The following LRMDA variants were observed in gnomAD, a reference collection of about 807,000 sequenced individuals.
The protein encoded by LRMDA is leucine-rich melanocyte differentiation-associated protein.
A neutral mutation model predicts 29.8 loss-of-function variants in LRMDA; 18 were observed. The observed-to-expected ratio is 0.60, with a 90% confidence interval of 0.42 to 0.90. The LOEUF (loss-of-function observed/expected upper bound fraction) is 0.90. Among genes scored for constraint, LRMDA ranks in the 40% least tolerant of loss-of-function variants. LRMDA has a pLI of 0.00. For synonymous variants in LRMDA, 125 were observed against 109.4 expected, an observed-to-expected ratio of 1.14 and a Z score of -0.89; for missense variants, 273 against 273.9, an observed-to-expected ratio of 1.00 and a Z score of 0.02.
At chr10:75,452,574 A>AATT (rs1844473786) in intron 2 of LRMDA, among the ~76,000 whole-genome samples, 1 of 27,264 alleles carries the variant, frequency 3.7e-5, no homozygotes, top group African/African-American at 1.4e-4. Context: ...TCAGGATATG[A>AATT]CTTTTTTTTT....
chr10:75,601,481 G>T (rs765874859), intron 2 of LRMDA: 1 of 152,164 alleles, frequency 6.6e-6, no homozygotes, highest in Non-Finnish European at 1.5e-5. Flanking sequence ...AGTGTTCTGT[G>T]TGGTTCTAGT....
chr10:75,755,886 T>G (rs1279778399), intron 2 of LRMDA, among the ~76,000 whole-genome samples: 1 of 152,226 alleles, frequency 6.6e-6, no homozygotes, highest in Non-Finnish European at 1.5e-5. Context: ...CCACTTGCTT[T>G]GCAGTGGGAA....
intron 2 of LRMDA, among the ~76,000 whole-genome samples, chr10:75,503,888 G>A (rs954331267): frequency 6.6e-6 from 1 of 152,100 alleles, no homozygotes; most frequent in African/African-American, 2.4e-5. Flanking sequence ...CAACAATCTG[G>A]AAGTGTAAGG....
chr10:75,519,284 A>C (rs1468613487), intron 2 of LRMDA, among the ~76,000 whole-genome samples: 2 of 152,082 alleles, frequency 1.3e-5, no homozygotes, highest in African/African-American at 4.8e-5. Flanking sequence ...CGTTGATCTA[A>C]TATTGACAGT....
At chr10:76,290,400 G>A (rs1463285137) in intron 5 of LRMDA, among the ~76,000 whole-genome samples, 1 of 143,532 alleles carries the variant, frequency 7.0e-6, no homozygotes, top group Non-Finnish European at 1.5e-5. Flanking sequence ...TACAATTTAG[G>A]TTTATTTTCT....
intron 6 of LRMDA, among the ~76,000 whole-genome samples, chr10:76,473,061 G>C (rs1190927593): frequency 6.6e-6 from 1 of 151,318 alleles, no homozygotes; most frequent in Non-Finnish European, 1.5e-5. Flanking sequence ...CCAGAAAAAG[G>C]CATCATAAGA....
intron 6 of LRMDA, among the ~76,000 whole-genome samples, chr10:76,527,350 A>C (rs1330121455): frequency 6.6e-6 from 1 of 152,204 alleles, no homozygotes; most frequent in Non-Finnish European, 1.5e-5. Context: ...TCAGAGACTC[A>C]CTGTCTAGAT....
At chr10:75,942,295 G>A (rs1393930286) in intron 2 of LRMDA, among the ~76,000 whole-genome samples, 1 of 152,196 alleles carries the variant, frequency 6.6e-6, no homozygotes, top group Admixed American at 6.5e-5. Context: ...TCCAGAGGCT[G>A]AGCTGTTTAT....
intron 5 of LRMDA, among the ~76,000 whole-genome samples, chr10:76,225,724 T>TTTATTTATTAA (rs1554856628): frequency 0.019 from 1,552 of 83,866 alleles, 13 homozygotes; most frequent in South Asian, 0.025. Flanking sequence ...TTATTTATTA[T>TTTATTTATTAA]TATATATATA....
chr10:75,456,703 G>GT (rs1176839958), intron 2 of LRMDA, among the ~76,000 whole-genome samples: 1 of 152,132 alleles, frequency 6.6e-6, no homozygotes, highest in Non-Finnish European at 1.5e-5. Context: ...TTGAAAAAGA[G>GT]CTTGCTCTTT....
At chr10:75,526,229 C>A (rs1303001616) in intron 2 of LRMDA, among the ~76,000 whole-genome samples, 1 of 151,864 alleles carries the variant, frequency 6.6e-6, no homozygotes, top group Non-Finnish European at 1.5e-5. Context: ...CCACACCCAG[C>A]TAATTTTTAA....
intron 5 of LRMDA, among the ~76,000 whole-genome samples, chr10:76,214,835 G>A (rs975175069): frequency 6.6e-6 from 1 of 152,198 alleles, no homozygotes; most frequent in Non-Finnish European, 1.5e-5. Flanking sequence ...TCACAATGTG[G>A]CAGGAGCTGT....
chr10:76,322,005 A>G (rs1209552548), intron 5 of LRMDA, among the ~76,000 whole-genome samples: 1 of 152,180 alleles, frequency 6.6e-6, no homozygotes, highest in East Asian at 1.9e-4. Flanking sequence ...ATAGTCTTGA[A>G]GATTCATATT....
intron 5 of LRMDA, among the ~76,000 whole-genome samples, chr10:76,220,737 T>C (rs1851816362): frequency 6.6e-6 from 1 of 151,430 alleles, no homozygotes; most frequent in African/African-American, 2.4e-5. Flanking sequence ...TTCCAATCAA[T>C]AGAAAAAGAG....
chr10:76,525,808 T>G (rs1420136591), intron 6 of LRMDA, among the ~76,000 whole-genome samples: 2 of 152,202 alleles, frequency 1.3e-5, no homozygotes, highest in Non-Finnish European at 2.9e-5. Context: ...AAGCTAATTA[T>G]TTGTGGTTAC....
At chr10:75,672,825 A>G (rs540403838) in intron 2 of LRMDA, among the ~76,000 whole-genome samples, 1 of 150,296 alleles carries the variant, frequency 6.7e-6, no homozygotes, top group East Asian at 2.0e-4. Flanking sequence ...GCCCACCTCA[A>G]TCTCTCAAAG....
intron 2 of LRMDA, among the ~76,000 whole-genome samples, chr10:75,533,970 T>A (rs1845508869): frequency 1.3e-5 from 2 of 152,204 alleles, no homozygotes; most frequent in South Asian, 4.1e-4. Context: ...AGGAAATCTA[T>A]TGCCTAGGTG....
intron 5 of LRMDA, among the ~76,000 whole-genome samples, chr10:76,144,677 C>G (rs1360735345): frequency 2.0e-5 from 3 of 152,014 alleles, no homozygotes; most frequent in South Asian, 2.1e-4. Context: ...AATTGAATAC[C>G]CTTTATTTCC....
At chr10:75,680,875 C>G (rs1842014979) in intron 2 of LRMDA, among the ~76,000 whole-genome samples, 1 of 152,042 alleles carries the variant, frequency 6.6e-6, no homozygotes, top group Non-Finnish European at 1.5e-5. Flanking sequence ...AGTACAAGCG[C>G]CCTTATTCAG....
Sources: allele counts gnomAD v4.1 joint callset (sites outside exome capture counted in the v4.1 genomes callset), GRCh38; gene constraint gnomAD v4.1.1; transcripts MANE v1.5; gene names NCBI Gene and HGNC (gene_info 2026-07-23, HGNC 2026-07-21).